The following CDYL2 variants were observed in gnomAD, a reference collection of about 807,000 sequenced individuals.
CDYL2 encodes chromodomain Y-like protein 2.
A neutral mutation model predicts 49.4 loss-of-function variants in CDYL2; 23 were observed. That is an observed-to-expected ratio of 0.47 (90% CI 0.34 to 0.66). CDYL2 has a LOEUF of 0.66. Ranked by LOEUF, CDYL2 falls within the 30% of genes least tolerant of loss-of-function variation. The pLI is 0.01. For synonymous variants in CDYL2, 360 were observed against 268.8 expected (o/e 1.34, Z -3.32); for missense variants, 678 against 656.4 (o/e 1.03, Z -0.36).
intron 1 of CDYL2, among the ~76,000 whole-genome samples, chr16:80,725,312 A>G (rs146150678): frequency 6.6e-6 from 1 of 152,332 alleles, no homozygotes; most frequent in East Asian, 1.9e-4. Flanking sequence ...CATCTTAGAT[A>G]AAATTGGAGA....
intron 1 of CDYL2, among the ~76,000 whole-genome samples, chr16:80,779,710 T>C (rs537272651): frequency 5.3e-5 from 8 of 152,254 alleles, no homozygotes; most frequent in South Asian, 4.1e-4. Context: ...GAAATACTTA[T>C]ATTGTTAAAA....
intron 1 of CDYL2, among the ~76,000 whole-genome samples, chr16:80,751,955 A>G (rs1054810797): frequency 6.6e-6 from 1 of 152,218 alleles, no homozygotes; most frequent in Non-Finnish European, 1.5e-5. Flanking sequence ...ACAACCACCC[A>G]TGGCCTGAAA....
At chr16:80,678,727 A>T (rs1909854357) in intron 2 of CDYL2, among the ~76,000 whole-genome samples, 1 of 150,650 alleles carries the variant, frequency 6.6e-6, no homozygotes, top group South Asian at 2.1e-4. Context: ...ATCTAGAACT[A>T]GAAATACCAT....
At chr16:80,608,055 T>A in intron 6 of CDYL2, 37 bp downstream of exon 6, 1 of 1,530,910 alleles carries the variant, frequency 6.5e-7, no homozygotes, top group Non-Finnish European at 8.8e-7. Flanking sequence ...AATGGGTCTA[T>A]CAAAAGGACA....
At chr16:80,633,281 G>A (rs771892309) in intron 2 of CDYL2, 45 bp from the exon 3 acceptor site, 3 of 1,568,822 alleles carry the variant, frequency 1.9e-6, no homozygotes, top group Admixed American at 1.7e-5. Flanking sequence ...AATGGACCAC[G>A]ATCCTAGAAG....
intron 1 of CDYL2, among the ~76,000 whole-genome samples, chr16:80,700,437 G>A (rs1380196169): frequency 6.6e-6 from 1 of 152,040 alleles, no homozygotes; most frequent in Non-Finnish European, 1.5e-5. Flanking sequence ...CAACAAAAGA[G>A]TAACATCCAG....
chr16:80,670,376 T>C (rs1909451221), intron 2 of CDYL2, among the ~76,000 whole-genome samples: 1 of 152,190 alleles, frequency 6.6e-6, no homozygotes, highest in Non-Finnish European at 1.5e-5. Context: ...TTTCCCCCGG[T>C]TGCTCAGCAC....
At chr16:80,804,856 G>A (rs1246593573), upstream of CDYL2, among the ~76,000 whole-genome samples, 2 of 151,258 alleles carry the variant, frequency 1.3e-5, no homozygotes, top group African/African-American at 4.8e-5. Flanking sequence ...GCAGACCTCA[G>A]GGAAGGGGCC....
In CDYL2 at chr16:80,756,496, G is replaced by A. The variant is rs554070689; in HGVS notation, c.24+47654C>T. Among the ~76,000 whole-genome samples, 6 of 151,810 alleles carry A rather than the reference G, an allele frequency of 4.0e-5. No homozygotes were observed. In the South Asian group the frequency reaches 6.3e-4, roughly 16 times the overall value. On this transcript the variant is annotated intron_variant, in intron 1 of 6. Coordinates refer to ENST00000570137, the MANE Select transcript of CDYL2 (RefSeq NM_152342.4). ...CCTCAATGAAACAAGGAATTTTTTG[G>A]GTAAATACAAATGAACACAACTGAC... is the stretch of plus-strand genomic sequence containing the variant.
At chr16:80,702,985 T>C (rs1904311045) in intron 1 of CDYL2, among the ~76,000 whole-genome samples, 1 of 152,134 alleles carries the variant, frequency 6.6e-6, no homozygotes, top group African/African-American at 2.4e-5. Flanking sequence ...TGATATAACT[T>C]GACATAAAAG....
chr16:80,730,072 G>A (rs1487456299), intron 1 of CDYL2, among the ~76,000 whole-genome samples: 1 of 152,048 alleles, frequency 6.6e-6, no homozygotes, highest in Non-Finnish European at 1.5e-5. Flanking sequence ...ACATTCAAAA[G>A]CTAGCAGAAG....
At chr16:80,725,326 G>C (rs1464860650) in intron 1 of CDYL2, among the ~76,000 whole-genome samples, 1 of 152,086 alleles carries the variant, frequency 6.6e-6, no homozygotes, top group Non-Finnish European at 1.5e-5. Flanking sequence ...TTGGAGACCC[G>C]CATATTTGAG....
intron 1 of CDYL2, among the ~76,000 whole-genome samples, chr16:80,739,603 C>T (rs1010868770): frequency 1.3e-5 from 2 of 152,128 alleles, no homozygotes; most frequent in African/African-American, 4.8e-5. Context: ...CCCAGCACAC[C>T]AGAGAGACCC....
chr16:80,754,527 G>A (rs995124892), intron 1 of CDYL2, among the ~76,000 whole-genome samples: 2 of 152,156 alleles, frequency 1.3e-5, no homozygotes, highest in Non-Finnish European at 2.9e-5. Context: ...CATAAACTGT[G>A]GCCTCACGTG....
intron 2 of CDYL2, among the ~76,000 whole-genome samples, chr16:80,677,226 C>T (rs970144884): frequency 8.5e-5 from 13 of 152,060 alleles, no homozygotes; most frequent in African/African-American, 2.9e-4. Context: ...CTGCCTCAGC[C>T]TCCCAAAGTG....
intron 1 of CDYL2, among the ~76,000 whole-genome samples, chr16:80,803,288 C>A (rs1453120111): frequency 6.6e-6 from 1 of 152,178 alleles, no homozygotes; most frequent in Non-Finnish European, 1.5e-5. Context: ...ATGAGAGTAT[C>A]CAACGCTGGC....
At chr16:80,777,261 A>G (rs1907118365) in intron 1 of CDYL2, among the ~76,000 whole-genome samples, 1 of 152,210 alleles carries the variant, frequency 6.6e-6, no homozygotes, top group Non-Finnish European at 1.5e-5. Flanking sequence ...CTATGTGTCG[A>G]GTACACTCAA....
At chr16:80,728,534 T>C (rs1183640801) in intron 1 of CDYL2, among the ~76,000 whole-genome samples, 2 of 152,136 alleles carry the variant, frequency 1.3e-5, no homozygotes, top group South Asian at 2.1e-4. Context: ...CAGGATATCA[T>C]CCAGGAGAAC....
intron 2 of CDYL2, among the ~76,000 whole-genome samples, chr16:80,659,517 T>TC (rs1908954731): frequency 6.6e-6 from 1 of 152,102 alleles, no homozygotes. Context: ...ACACTAGATA[T>TC]TAAGGGGTAA....
Sources: allele counts gnomAD v4.1 joint callset (sites outside exome capture counted in the v4.1 genomes callset), GRCh38; gene constraint gnomAD v4.1.1; transcripts MANE v1.5; gene names NCBI Gene and HGNC (gene_info 2026-07-23, HGNC 2026-07-21).